The following COL19A1 variants were observed in gnomAD, a reference collection of about 807,000 sequenced individuals.
COL19A1 encodes collagen type XIX alpha 1 chain, also known as collagen alpha-1(XIX) chain.
In COL19A1, 159 loss-of-function variants were observed where a neutral mutation model predicts 190.2. The ratio of observed to expected loss-of-function variants is 0.84; its 90% CI spans 0.73 to 0.95. The LOEUF (loss-of-function observed/expected upper bound fraction) is 0.95, where lower values mean the gene tolerates loss of function less well. COL19A1 is among the 40% of genes least tolerant of loss of function. The pLI is 0.00. For missense variants in COL19A1, 1,418 were observed against 1,431.9 expected (o/e 0.99, Z 0.16); for synonymous variants, 509 against 458.9 (o/e 1.11, Z -1.39).
chr6:70,059,986 A>G (rs1357336468), intron 14 of COL19A1, among the ~76,000 whole-genome samples: 3 of 152,186 alleles, frequency 2.0e-5, no homozygotes, highest in African/African-American at 7.2e-5. Flanking sequence ...TAAGACTATG[A>G]TTCTCTAACT....
Position 70,137,695 on chromosome 6 carries a change from G to T in COL19A1, c.1394G>T (p.Gly465Val). ...GCTTTGTCTTGAAAGGGTGAAACTG[G>T]ACTACCAGGATTTCCAGGGTCTGTT... ...GGLKGDKGET[G>V]LPGFPGSVGP... Residue 465 changes from glycine to valine, a missense_variant, in exon 19 of 51, where the codon GGA (glycine) becomes GTA (valine). Gly to Val is a moderately radical substitution (Grantham distance 109). Coordinates refer to ENST00000620364, the MANE Select transcript of COL19A1 (RefSeq NM_001858.6). 3 of 1,613,302 alleles carry T rather than the reference G, an allele frequency of 1.9e-6. No individual in the cohort carries two copies. The highest frequency in any genetic ancestry group is 2.2e-5 in the East Asian group (1 of 44,858).
At chr6:69,947,939 C>A (rs1169061409) in intron 9 of COL19A1, among the ~76,000 whole-genome samples, 2 of 151,842 alleles carry the variant, frequency 1.3e-5, no homozygotes, top group Non-Finnish European at 2.9e-5. Context: ...GGGCTGCTAT[C>A]TTCTTGTATA....
At chr6:69,891,853 G>C (rs1330296169) in intron 2 of COL19A1, among the ~76,000 whole-genome samples, 1 of 152,170 alleles carries the variant, frequency 6.6e-6, no homozygotes, top group African/African-American at 2.4e-5. Context: ...CACCTGCACT[G>C]TACCTTTTAA....
At chr6:70,097,213 T>TAA (rs527298714) in intron 15 of COL19A1, among the ~76,000 whole-genome samples, 1 of 151,774 alleles carries the variant, frequency 6.6e-6, no homozygotes, top group African/African-American at 2.4e-5. Flanking sequence ...AGCATCAAGT[T>TAA]AAAAAAAAGA....
chr6:70,168,653 A>T lies in COL19A1; in HGVS notation c.2542-2A>T. 1 of 1,612,604 alleles carries T rather than the reference A, an allele frequency of 6.2e-7. No individual in the cohort carries two copies. ...AAATGACTTTCCATGTTTCTCTTACAGGGCCCAAAAGGCGATCCTGGCCCA... is the reference window on the plus strand; with the variant it reads ...AAATGACTTTCCATGTTTCTCTTACTGGGCCCAAAAGGCGATCCTGGCCCA... On this transcript the variant is annotated splice_acceptor_variant, in intron 39 of 50. Coordinates refer to ENST00000620364, the MANE Select transcript of COL19A1 (RefSeq NM_001858.6). LOFTEE classifies it high-confidence loss of function.
At chr6:69,954,953 G>A (rs945105137) in intron 9 of COL19A1, among the ~76,000 whole-genome samples, 15 of 152,102 alleles carry the variant, frequency 9.9e-5, no homozygotes, top group African/African-American at 3.6e-4. Flanking sequence ...TCCTCAATTA[G>A]GAGCTGACTG....
intron 18 of COL19A1, among the ~76,000 whole-genome samples, chr6:70,131,448 A>C (rs193093639): frequency 6.6e-6 from 1 of 152,358 alleles, no homozygotes; most frequent in African/African-American, 2.4e-5. Context: ...TGATGATTGA[A>C]AATGAAATTT....
chr6:70,172,773 G>A (rs915728537), intron 41 of COL19A1, among the ~76,000 whole-genome samples: 3 of 152,198 alleles, frequency 2.0e-5, no homozygotes, highest in African/African-American at 7.2e-5. Context: ...CTATTGTAAG[G>A]CCTTTATCTT....
intron 4 of COL19A1, among the ~76,000 whole-genome samples, chr6:69,911,386 T>C (rs1170144473): frequency 2.0e-5 from 3 of 152,090 alleles, no homozygotes; most frequent in African/African-American, 7.2e-5. Context: ...CTAAGACACT[T>C]TTTTTTCCCC....
intron 11 of COL19A1, among the ~76,000 whole-genome samples, chr6:69,992,747 T>C (rs1776699482): frequency 6.6e-6 from 1 of 152,094 alleles, no homozygotes; most frequent in South Asian, 2.1e-4. Flanking sequence ...TCGATTTGGC[T>C]CTCAGCTTGG....
chr6:69,888,777 C>CA (rs35211332), intron 2 of COL19A1, among the ~76,000 whole-genome samples: 3,242 of 126,150 alleles, frequency 0.026, 59 homozygotes, highest in Non-Finnish European at 0.036. Context: ...GACTCTAGCT[C>CA]AAAAAAAAAA....
chr6:69,920,254 C>G (rs1487553183), intron 4 of COL19A1, among the ~76,000 whole-genome samples: 1 of 152,190 alleles, frequency 6.6e-6, no homozygotes, highest in Non-Finnish European at 1.5e-5. Flanking sequence ...CACCTGGACA[C>G]TGCTTGTACT....
intron 16 of COL19A1, among the ~76,000 whole-genome samples, chr6:70,114,796 C>T (rs1479259806): frequency 6.6e-6 from 1 of 152,108 alleles, no homozygotes; most frequent in Non-Finnish European, 1.5e-5. Flanking sequence ...TAAATATATG[C>T]ATATACATAT....
intron 18 of COL19A1, among the ~76,000 whole-genome samples, chr6:70,136,847 T>C (rs983514847): frequency 1.3e-5 from 2 of 152,074 alleles, no homozygotes; most frequent in Non-Finnish European, 2.9e-5. Context: ...TGCTCAGAAA[T>C]GTAATGGTGA....
chr6:70,163,751 A>G (rs1342594678), intron 36 of COL19A1, among the ~76,000 whole-genome samples: 1 of 152,186 alleles, frequency 6.6e-6, no homozygotes, highest in African/African-American at 2.4e-5. Flanking sequence ...AGGGGCTGTC[A>G]GTTTTCTATG....
At chr6:70,116,440 GCCCTCACAAAGTTTT>G (rs758629264) in intron 16 of COL19A1, among the ~76,000 whole-genome samples, 25 of 152,122 alleles carry the variant, frequency 1.6e-4, no homozygotes, top group Non-Finnish European at 3.1e-4. Context: ...AAAACTCCTT[GCCCTCACAAAGTTTT>G]TGTTGCAACT....
At chr6:69,972,360 C>A (rs1311591317) in intron 11 of COL19A1, among the ~76,000 whole-genome samples, 1 of 152,100 alleles carries the variant, frequency 6.6e-6, no homozygotes, top group Non-Finnish European at 1.5e-5. Flanking sequence ...GTTTTTCTTT[C>A]TCCAATAGAG....
chr6:69,974,806 CTTT>C (rs35518948), intron 11 of COL19A1, among the ~76,000 whole-genome samples: 1,470 of 92,896 alleles, frequency 0.016, 21 homozygotes, highest in African/African-American at 0.058. Context: ...AGACAGCTTC[CTTT>C]TTTTTTTTTT....
At chr6:69,912,915 C>G (rs1158905137) in intron 4 of COL19A1, among the ~76,000 whole-genome samples, 1 of 152,030 alleles carries the variant, frequency 6.6e-6, no homozygotes, top group Admixed American at 6.6e-5. Flanking sequence ...TAGCAAAACC[C>G]TGTCTCTACA....
Sources: allele counts gnomAD v4.1 joint callset (sites outside exome capture counted in the v4.1 genomes callset), GRCh38; gene constraint gnomAD v4.1.1; transcripts MANE v1.5; gene names NCBI Gene and HGNC (gene_info 2026-07-23, HGNC 2026-07-21).